Variants in VAV3 observed in about 807,000 individuals in gnomAD.
The protein encoded by VAV3 is vav guanine nucleotide exchange factor 3.
A neutral mutation model predicts 131.2 loss-of-function variants in VAV3; 94 were observed. The observed-to-expected ratio is 0.72, with a 90% CI of 0.61 to 0.85. The LOEUF is 0.85. Ranked by LOEUF, VAV3 falls within the 40% of genes least tolerant of loss-of-function variation. VAV3 has a pLI of 0.00. For synonymous variants in VAV3, 349 were observed against 342.0 expected, an observed-to-expected ratio of 1.02 and a Z score of -0.22; for missense variants, 939 against 1,002.7, an observed-to-expected ratio of 0.94 and a Z score of 0.86.
At chr1:107,868,020 G>T (rs1239817715) in intron 2 of VAV3, among the ~76,000 whole-genome samples, 4 of 152,082 alleles carry the variant, frequency 2.6e-5, no homozygotes, top group Non-Finnish European at 4.4e-5. Context: ...GGTTGAGAAG[G>T]GCTGAAAATA....
intron 24 of VAV3, among the ~76,000 whole-genome samples, chr1:107,597,954 G>A (rs115751931): frequency 1.1e-3 from 174 of 152,288 alleles, no homozygotes; most frequent in African/African-American, 4.2e-3. Context: ...TCAAATATCA[G>A]TGAGGTGAGT....
chr1:107,659,112 GA>G (rs1162782202), intron 19 of VAV3, among the ~76,000 whole-genome samples: 1 of 151,924 alleles, frequency 6.6e-6, no homozygotes, highest in African/African-American at 2.4e-5. Context: ...AATCCATCTT[GA>G]ATTAATTTTT....
chr1:107,783,523 A>C (rs567420828), intron 2 of VAV3, among the ~76,000 whole-genome samples: 1 of 152,250 alleles, frequency 6.6e-6, no homozygotes, highest in African/African-American at 2.4e-5. Flanking sequence ...GACAGCCCCA[A>C]GGCCGCCTAC....
chr1:107,571,620 A>G lies in VAV3; in HGVS notation c.*1711T>C, dbSNP rs1265082211. ...AGAGTCGCAGATAAGACTTTACAGGAAAGAATCCATTCCAAGAGTACACTT... is the reference window on the plus strand; with the variant it reads ...AGAGTCGCAGATAAGACTTTACAGGGAAGAATCCATTCCAAGAGTACACTT... On this transcript the variant is annotated 3_prime_UTR_variant, in exon 27 of 27. Transcript: ENST00000370056. The G allele has an allele frequency of 6.6e-6, 1 of 152,628 alleles. No homozygotes were observed. Among genetic ancestry groups the G allele is most frequent in the Non-Finnish European group, 1.5e-5 (1 of 68,048 alleles). The allele number at this position is 152,628 out of a possible 1,614,324, so 9.5% of individuals were successfully genotyped here.
rs896014040 is a variant in VAV3 at position 107,571,369 on chromosome 1, T to A, written c.*1962A>T. On this transcript the variant is annotated 3_prime_UTR_variant, in exon 27 of 27. Transcript: ENST00000370056. Reference sequence around the variant, plus strand: ...AAAGTATTAAACGTGGACAAAGATGTAATTGGTAATGTCACAAAAAGGGGC... The same window carrying A: ...AAAGTATTAAACGTGGACAAAGATGAAATTGGTAATGTCACAAAAAGGGGC... The A allele has an allele frequency of 6.6e-5, 10 of 152,658 alleles. No individual in the cohort carries two copies. The highest frequency in any genetic ancestry group is 2.2e-4 in the African/African-American group (9 of 41,456). The allele number at this position is 152,658 out of a possible 1,614,324, so 9.5% of individuals were successfully genotyped here.
chr1:107,813,712 T>A (rs547380752), intron 2 of VAV3, among the ~76,000 whole-genome samples: 2 of 152,182 alleles, frequency 1.3e-5, no homozygotes, highest in African/African-American at 4.8e-5. Context: ...TCCTTCTATC[T>A]AACTGTATGC....
intron 19 of VAV3, among the ~76,000 whole-genome samples, chr1:107,658,730 G>A (rs1656776952): frequency 1.3e-5 from 2 of 152,012 alleles, no homozygotes; most frequent in Admixed American, 1.3e-4. Context: ...TGTGTTTTTT[G>A]GCTGCATAAA....
At chr1:107,804,077 T>C (rs1666950798) in intron 2 of VAV3, among the ~76,000 whole-genome samples, 1 of 152,130 alleles carries the variant, frequency 6.6e-6, no homozygotes, top group African/African-American at 2.4e-5. Flanking sequence ...TTTTTGGTTT[T>C]TACTTGCATA....
intron 15 of VAV3, among the ~76,000 whole-genome samples, chr1:107,737,803 C>T (rs111615451): frequency 3.9e-5 from 6 of 152,206 alleles, no homozygotes; most frequent in African/African-American, 1.4e-4. Flanking sequence ...GTGGCGATTC[C>T]TCAATGATCT....
chr1:107,834,430 C>T (rs910084668), intron 2 of VAV3, among the ~76,000 whole-genome samples: 8 of 151,998 alleles, frequency 5.3e-5, no homozygotes, highest in African/African-American at 1.9e-4. Flanking sequence ...AGTAAGGACA[C>T]AGGAAAATAA....
At chr1:107,633,023 AT>A (rs1417613059) in intron 20 of VAV3, among the ~76,000 whole-genome samples, 2 of 152,200 alleles carry the variant, frequency 1.3e-5, no homozygotes, top group South Asian at 2.1e-4. Flanking sequence ...AGGCAGTAGT[AT>A]TTAGTAAAAA....
chr1:107,615,831 CA>C (rs994474123), intron 21 of VAV3, among the ~76,000 whole-genome samples: 5 of 151,028 alleles, frequency 3.3e-5, no homozygotes, highest in African/African-American at 4.9e-5. Context: ...TATAATTGGC[CA>C]AAAAAAATTT....
At chr1:107,923,580 C>T (rs1164019454) in intron 1 of VAV3, among the ~76,000 whole-genome samples, 9 of 152,088 alleles carry the variant, frequency 5.9e-5, no homozygotes, top group Admixed American at 5.2e-4. Context: ...CCTCAGGAAA[C>T]TTACAATCAT....
chr1:107,586,256 G>A lies in VAV3; in HGVS notation c.2350+9956C>T, dbSNP rs564259812. Among the ~76,000 whole-genome samples the A allele has an allele frequency of 1.3e-3, 199 of 152,012 alleles. 1 individual carries two copies. The highest frequency in any genetic ancestry group is 2.3e-3 in the Non-Finnish European group (157 of 68,014). ...AGCAAGTGGCATCTCCATTAGAGTAGGGAATTTTATCCATGCTATTCACTG... is the reference window on the plus strand; with the variant it reads ...AGCAAGTGGCATCTCCATTAGAGTAAGGAATTTTATCCATGCTATTCACTG... On this transcript the variant is annotated intron_variant, in intron 25 of 26. Transcript: ENST00000370056.
rs200980013 is a variant in VAV3 at position 107,779,443 on chromosome 1, G to A, written c.371C>T (p.Thr124Ile). 249 of 1,589,280 alleles carry A rather than the reference G, an allele frequency of 1.6e-4. No individual in the cohort carries two copies. The highest frequency in any genetic ancestry group is 1.5e-3 in the Middle Eastern group (9 of 6,010). The change falls in exon 3 of 27, where the codon ACA (threonine) becomes ATA (isoleucine). Residue 124 changes from threonine to isoleucine, a missense_variant. Coordinates refer to ENST00000370056, the MANE Select transcript of VAV3 (RefSeq NM_006113.5). ...RLSRTPIALA[T>I]GIRPFPTEES... Reference sequence around the variant, plus strand: ...CGAAAACAGAGCTTACCTGATTCCTGTGGCCAATGCTATAGGTGTTCGAGA... The same window carrying A: ...CGAAAACAGAGCTTACCTGATTCCTATGGCCAATGCTATAGGTGTTCGAGA...
At chr1:107,602,121 G>A (rs1201208963) in intron 24 of VAV3, among the ~76,000 whole-genome samples, 1 of 152,018 alleles carries the variant, frequency 6.6e-6, no homozygotes, top group Non-Finnish European at 1.5e-5. Flanking sequence ...AAAGAGGAAA[G>A]AAAGGTATAT....
chr1:107,688,352 A>G (rs1184725905), intron 18 of VAV3, 29 bp downstream of exon 18: 13 of 1,608,966 alleles, frequency 8.1e-6, no homozygotes, highest in Non-Finnish European at 1.0e-5. Context: ...TGCAAAGGTT[A>G]TAAAAAATAT....
rs906903571 is a variant in VAV3 at position 107,960,289 on chromosome 1, G to A, written c.204+4377C>T. 2.0e-5 allele frequency among the ~76,000 whole-genome samples: 3 copies of A among 152,018 alleles called. No individual in the cohort carries two copies. In the South Asian group the frequency reaches 6.2e-4, roughly 31 times the overall value. ...TGGAGACCACTCTAGGCAACATGGT[G>A]AAACCCCCTCTACTAAAATACAAAA... On this transcript the variant is annotated intron_variant, in intron 1 of 26. Coordinates refer to ENST00000370056, the MANE Select transcript of VAV3 (RefSeq NM_006113.5).
chr1:107,964,611 CATG>C, intron 1 of VAV3, 52 bp downstream of exon 1: 1 of 1,568,404 alleles, frequency 6.4e-7, no homozygotes, highest in Non-Finnish European at 8.7e-7. Context: ...AAATTAGCCG[CATG>C]ATTAATGGGA....
Sources: allele counts gnomAD v4.1 joint callset (sites outside exome capture counted in the v4.1 genomes callset), GRCh38; gene constraint gnomAD v4.1.1; transcripts MANE v1.5; gene names NCBI Gene and HGNC (gene_info 2026-07-23, HGNC 2026-07-21).